ZNF518A: variants seen among roughly 807,000 people sequenced by gnomAD.
The protein encoded by ZNF518A is zinc finger protein 518A, also known as zinc finger protein 518.
In ZNF518A, 47 loss-of-function variants were observed where a neutral mutation model predicts 102.7. The ratio of observed to expected loss-of-function variants is 0.46; its 90% CI spans 0.36 to 0.58. The LOEUF (loss-of-function observed/expected upper bound fraction) is 0.58, where lower values mean the gene tolerates loss of function less well. Among genes scored for constraint, ZNF518A ranks in the 20% least tolerant of loss-of-function variants. ZNF518A has a pLI of 0.00. For missense variants in ZNF518A, 1,793 were observed against 1,699.8 expected, an observed-to-expected ratio of 1.05 and a Z score of -0.96; for synonymous variants, 652 against 594.6, an observed-to-expected ratio of 1.10 and a Z score of -1.40.
At chr10:96,174,490 T>C (rs1179139655) in intron 1 of ZNF518A, among the ~76,000 whole-genome samples, 2 of 152,122 alleles carry the variant, frequency 1.3e-5, no homozygotes, top group East Asian at 3.8e-4. Flanking sequence ...ACTACTGCTC[T>C]TACAAAATGA....
At chr10:96,174,743 T>G (rs2083193427) in intron 1 of ZNF518A, among the ~76,000 whole-genome samples, 1 of 148,992 alleles carries the variant, frequency 6.7e-6, no homozygotes, top group South Asian at 2.1e-4. Flanking sequence ...AAATTACAGA[T>G]AGATAGATAG....
At chr10:96,173,034 A>G (rs1414682660) in intron 1 of ZNF518A, among the ~76,000 whole-genome samples, 6 of 152,170 alleles carry the variant, frequency 3.9e-5, no homozygotes, top group Non-Finnish European at 5.9e-5. Context: ...CCTAAACAAT[A>G]CAGTATAACA....
chr10:96,144,699 A>G (rs1015788430), intron 3 of ZNF518A, among the ~76,000 whole-genome samples: 1 of 152,092 alleles, frequency 6.6e-6, no homozygotes, highest in Non-Finnish European at 1.5e-5. Flanking sequence ...CAAAAATTAA[A>G]CTGTTGTCAG....
chr10:96,200,168 G>A lies in ZNF518A; in HGVS notation n.36-3406G>A, dbSNP rs2083591989. ...AGAGAACGCCAGCTTCCTGTGAAAT[G>A]GAGGGCACTGGTCAGCATGGGATGG... is the stretch of plus-strand genomic sequence containing the variant. On this transcript the variant is annotated intron_variant and non_coding_transcript_variant, in intron 1 of 2. Transcript: ENST00000442635. The surrounding 1 kb of genome is among the most constrained non-coding windows in gnomAD (Gnocchi z 4.3). 1 of 1,613,228 alleles carries A rather than the reference G, an allele frequency of 6.2e-7. No homozygotes were observed. The highest frequency in any genetic ancestry group is 8.5e-7 in the Non-Finnish European group (1 of 1,179,366).
At chr10:96,142,230 G>C (rs2081960704) in intron 3 of ZNF518A, among the ~76,000 whole-genome samples, 1 of 151,670 alleles carries the variant, frequency 6.6e-6, no homozygotes, top group Non-Finnish European at 1.5e-5. Context: ...CAAAATGTTT[G>C]TTTCAAGTCA....
chr10:96,192,134 TG>T (rs1183798092), intron 1 of ZNF518A: 3 of 1,610,812 alleles, frequency 1.9e-6, no homozygotes, highest in Non-Finnish European at 2.5e-6. Flanking sequence ...TTGGCATTTG[TG>T]TTAAATTTGA....
rs377315694 is a variant in ZNF518A, at chr10:96,171,095, A to C, written n.35+15048A>C. Among the ~76,000 whole-genome samples the C allele has an allele frequency of 2.6e-5, 4 of 152,142 alleles. No individual in the cohort carries two copies. The East Asian group carries it at 5.8e-4, about 22-fold the overall frequency. On this transcript the variant is annotated intron_variant and non_coding_transcript_variant, in intron 1 of 2. Transcript: ENST00000442635. ...CTCATACACTGTTGGTGGGAATGCA[A>C]AATGGTACAGCCATCTTGGAAAACA...
intron 1 of ZNF518A, among the ~76,000 whole-genome samples, chr10:96,184,993 G>T (rs587688011): frequency 1.3e-5 from 2 of 152,248 alleles, no homozygotes; most frequent in South Asian, 4.1e-4. Context: ...TAGAGGCTTT[G>T]TTCATTTCTT....
intron 1 of ZNF518A, among the ~76,000 whole-genome samples, chr10:96,176,543 T>C (rs1393704200): frequency 2.6e-5 from 4 of 152,046 alleles, no homozygotes; most frequent in Admixed American, 2.6e-4. Context: ...GATGGGAGGA[T>C]CACTTGAGCC....
At chr10:96,173,977 T>C (rs2083188665) in intron 1 of ZNF518A, among the ~76,000 whole-genome samples, 1 of 152,146 alleles carries the variant, frequency 6.6e-6, no homozygotes, top group Non-Finnish European at 1.5e-5. Context: ...TTCATAAATA[T>C]ATGGCAATTG....
intron 1 of ZNF518A, among the ~76,000 whole-genome samples, chr10:96,174,144 C>A (rs1164390993): frequency 2.6e-5 from 4 of 152,090 alleles, no homozygotes; most frequent in African/African-American, 9.6e-5. Flanking sequence ...AAAAAACTTA[C>A]TGCAACAGAA....
chr10:96,187,679 GA>G (rs1194947887), intron 1 of ZNF518A, among the ~76,000 whole-genome samples: 3 of 152,298 alleles, frequency 2.0e-5, no homozygotes, highest in African/African-American at 7.2e-5. Flanking sequence ...CTTTTCAACA[GA>G]AGACAAGAAC....
chr10:96,156,515 C>T lies in ZNF518A; in HGVS notation c.193C>T (p.His65Tyr), dbSNP rs200299587. Residue 65 changes from histidine (H) to tyrosine (Y), a missense_variant, in exon 6 of 6, where the codon CAT (histidine) becomes TAT (tyrosine). By Grantham distance (83) the His-to-Tyr change is moderately conservative. Transcript: ENST00000316045. ...INIPNEVLLK[H>Y]EVDKYRKLFQ... is the part of the protein sequence containing the mutation. ...TATTCCAAATGAAGTCCTATTGAAA[C>T]ATGAAGTTGACAAATACAGAAAATT... 1,309 of 1,610,858 alleles carry T rather than the reference C, an allele frequency of 8.1e-4. No homozygotes were observed. The highest frequency in any genetic ancestry group is 2.4e-3 in the Admixed American group (141 of 59,472).
chr10:96,174,262 G>GA (rs756144725), intron 1 of ZNF518A, among the ~76,000 whole-genome samples: 21 of 150,932 alleles, frequency 1.4e-4, no homozygotes, highest in Non-Finnish European at 2.7e-4. Flanking sequence ...TAAGGAACAA[G>GA]AAAAAAAAGA....
chr10:96,130,998 A>G (rs2142180275), intron 1 of ZNF518A, among the ~76,000 whole-genome samples: 1 of 152,338 alleles, frequency 6.6e-6, no homozygotes, highest in South Asian at 2.1e-4. Flanking sequence ...TCAGAATACA[A>G]CAGTTAAGAC....
At chr10:96,185,823 AG>A (rs1554892505) in intron 1 of ZNF518A, among the ~76,000 whole-genome samples, 2 of 152,190 alleles carry the variant, frequency 1.3e-5, no homozygotes, top group Non-Finnish European at 2.9e-5. Context: ...CCCTGCCCCC[AG>A]GGGTGGAGTC....
intron 1 of ZNF518A, among the ~76,000 whole-genome samples, chr10:96,131,540 G>A (rs1288926210): frequency 6.6e-6 from 1 of 152,142 alleles, no homozygotes; most frequent in Non-Finnish European, 1.5e-5. Flanking sequence ...CATAGAAACT[G>A]TAAATTAGAT....
intron 3 of ZNF518A, among the ~76,000 whole-genome samples, chr10:96,148,836 C>T (rs1365825638): frequency 6.6e-6 from 1 of 152,208 alleles, no homozygotes; most frequent in Admixed American, 6.5e-5. Context: ...CTGCCTCAGC[C>T]TCCCGAGTAG....
downstream of ZNF518A, among the ~76,000 whole-genome samples, chr10:96,167,897 A>T (rs2083151654): frequency 6.6e-6 from 1 of 152,236 alleles, no homozygotes; most frequent in African/African-American, 2.4e-5. Flanking sequence ...GTTTTAAAAG[A>T]CAGCGTTTTT....
Sources: allele counts gnomAD v4.1 joint callset (sites outside exome capture counted in the v4.1 genomes callset), GRCh38; gene constraint gnomAD v4.1.1; non-coding constraint Gnocchi (gnomAD v3.1); transcripts MANE v1.5; gene names NCBI Gene and HGNC (gene_info 2026-07-23, HGNC 2026-07-21).